GRID1: variants seen among roughly 807,000 people sequenced by gnomAD.
The protein encoded by GRID1 is glutamate ionotropic receptor delta type subunit 1.
A neutral mutation model predicts 98.0 loss-of-function variants in GRID1; 28 were observed. That is an observed-to-expected ratio of 0.29 (90% confidence interval 0.21 to 0.39). GRID1 has a LOEUF of 0.39. Ranked by LOEUF, GRID1 falls within the 10% of genes least tolerant of loss-of-function variation. The pLI, the probability that GRID1 is intolerant of heterozygous loss-of-function variation, is 1.00. For missense variants in GRID1, 1,111 were observed against 1,340.5 expected (o/e 0.83, Z 2.67); for synonymous variants, 553 against 538.5 (o/e 1.03, Z -0.37).
At chr10:85,847,443 G>C (rs1341522720) in intron 8 of GRID1, among the ~76,000 whole-genome samples, 1 of 152,078 alleles carries the variant, frequency 6.6e-6, no homozygotes, top group Non-Finnish European at 1.5e-5. Flanking sequence ...TGGACATTCT[G>C]TTATCTGAAG....
chr10:86,163,553 C>G (rs1845354226), intron 3 of GRID1, among the ~76,000 whole-genome samples: 1 of 152,154 alleles, frequency 6.6e-6, no homozygotes, highest in Non-Finnish European at 1.5e-5. Context: ...GTTAACACGT[C>G]AGCTGTTAAG....
chr10:85,950,670 C>T (rs193127132), intron 4 of GRID1, among the ~76,000 whole-genome samples: 9 of 152,224 alleles, frequency 5.9e-5, no homozygotes, highest in African/African-American at 1.7e-4. Flanking sequence ...TTAATCAGTT[C>T]GCAAATCCAG....
intron 5 of GRID1, among the ~76,000 whole-genome samples, chr10:85,897,584 A>G (rs908956371): frequency 1.3e-5 from 2 of 152,166 alleles, no homozygotes; most frequent in African/African-American, 4.8e-5. Flanking sequence ...TTGAGTGCCT[A>G]CAGAAGTCTT....
At chr10:85,651,218 G>C (rs1162963829) in intron 12 of GRID1, among the ~76,000 whole-genome samples, 4 of 152,200 alleles carry the variant, frequency 2.6e-5, no homozygotes, top group Admixed American at 2.6e-4. Context: ...CATATACCTG[G>C]TACACAGTTA....
intron 2 of GRID1, among the ~76,000 whole-genome samples, chr10:86,330,288 T>C (rs969737940): frequency 3.9e-5 from 6 of 152,052 alleles, no homozygotes; most frequent in Non-Finnish European, 8.8e-5. Flanking sequence ...CAGCCTTCCT[T>C]GGGGCTCCTC....
chr10:86,156,447 T>A (rs537543226), intron 3 of GRID1, among the ~76,000 whole-genome samples: 2 of 152,270 alleles, frequency 1.3e-5, no homozygotes, highest in South Asian at 4.1e-4. Context: ...TAGACAAAGC[T>A]GGTAGGAGAC....
chr10:86,253,771 C>G (rs1307137653), intron 2 of GRID1, among the ~76,000 whole-genome samples: 1 of 152,174 alleles, frequency 6.6e-6, no homozygotes, highest in Non-Finnish European at 1.5e-5. Flanking sequence ...GCTAGAAGGG[C>G]CAGCCCCTTC....
intron 2 of GRID1, among the ~76,000 whole-genome samples, chr10:86,241,957 C>T (rs2814337): frequency 6.6e-6 from 1 of 152,092 alleles, no homozygotes; most frequent in Non-Finnish European, 1.5e-5. Context: ...TCGAGCTTCA[C>T]CCCACCCTCA....
At chr10:85,707,409 T>G (rs550790047) in intron 12 of GRID1, among the ~76,000 whole-genome samples, 2 of 152,124 alleles carry the variant, frequency 1.3e-5, no homozygotes, top group East Asian at 3.9e-4. Context: ...AAAACCACAA[T>G]GAGATACCAT....
At chr10:86,226,388 C>T (rs1589417835) in intron 2 of GRID1, among the ~76,000 whole-genome samples, 4 of 80,078 alleles carry the variant, frequency 5.0e-5, no homozygotes, top group Non-Finnish European at 9.7e-5. Flanking sequence ...CTCACTCCCA[C>T]CCCAGCACAC....
At chr10:86,304,273 A>G (rs1279596604) in intron 2 of GRID1, among the ~76,000 whole-genome samples, 5 of 152,216 alleles carry the variant, frequency 3.3e-5, no homozygotes, top group Non-Finnish European at 7.3e-5. Flanking sequence ...ACCAGGACAA[A>G]GAGAAGGCAG....
At position 86,339,412 on chromosome 10, in the gene GRID1, C is replaced by T. The variant is rs570295165; in HGVS notation, c.235+24529G>A. On this transcript the variant is annotated intron_variant, in intron 2 of 15. Transcript: ENST00000327946. Reference sequence around the variant, plus strand: ...ATGGGGAGTGGATTCGGTGATTACCCAGTGCTGGCTCCACCTACACTAATT... The same window carrying T: ...ATGGGGAGTGGATTCGGTGATTACCTAGTGCTGGCTCCACCTACACTAATT... 5.9e-5 allele frequency among the ~76,000 whole-genome samples: 9 copies of T among 152,360 alleles called. 1 individual carries two copies. The highest frequency in any genetic ancestry group is 2.2e-4 in the African/African-American group (9 of 41,588).
chr10:86,080,370 G>A (rs889934958), intron 4 of GRID1, among the ~76,000 whole-genome samples: 2 of 118,810 alleles, frequency 1.7e-5, no homozygotes, highest in Admixed American at 9.0e-5. Flanking sequence ...AAAAGAGAGA[G>A]AAAAAGGAAA....
intron 15 of GRID1, among the ~76,000 whole-genome samples, chr10:85,612,187 C>A (rs560393640): frequency 2.0e-5 from 3 of 152,290 alleles, no homozygotes; most frequent in African/African-American, 7.2e-5. Context: ...CCCTGACCTG[C>A]CAGGAATGCC....
intron 12 of GRID1, among the ~76,000 whole-genome samples, chr10:85,654,095 A>G (rs80089009): frequency 0.037 from 5,660 of 152,256 alleles, 135 homozygotes; most frequent in Middle Eastern, 0.048. Context: ...AGGGTTGCAG[A>G]GCCCACAGCA....
intron 3 of GRID1, among the ~76,000 whole-genome samples, chr10:86,179,690 C>A (rs1845627758): frequency 6.6e-6 from 1 of 152,174 alleles, no homozygotes; most frequent in African/African-American, 2.4e-5. Flanking sequence ...AGGGCCACAG[C>A]CAATCAATCA....
chr10:86,247,467 A>T (rs563546925), intron 2 of GRID1, among the ~76,000 whole-genome samples: 1 of 152,244 alleles, frequency 6.6e-6, no homozygotes, highest in Middle Eastern at 3.4e-3. Flanking sequence ...GTATAAAAGG[A>T]TTGACAGATA....
chr10:86,007,599 A>G (rs1842875622), intron 4 of GRID1, among the ~76,000 whole-genome samples: 1 of 152,244 alleles, frequency 6.6e-6, no homozygotes, highest in Admixed American at 6.5e-5. Context: ...TGCTGAAACA[A>G]GCAACTTTTA....
chr10:86,216,033 G>A (rs1846173027), intron 2 of GRID1, among the ~76,000 whole-genome samples: 1 of 152,078 alleles, frequency 6.6e-6, no homozygotes, highest in Admixed American at 6.5e-5. Flanking sequence ...TTCCTGAAAT[G>A]CTCTTCCTCC....
Sources: gnomAD v4.1 joint callset for allele counts (sites outside exome capture counted in the v4.1 genomes callset) on GRCh38, gnomAD v4.1.1 for gene constraint, MANE v1.5 for transcripts, NCBI Gene and HGNC (gene_info 2026-07-23, HGNC 2026-07-21) for gene names.